The following CADM2 variants were observed in gnomAD, a reference collection of about 807,000 sequenced individuals.
CADM2 encodes immunoglobulin superfamily member 4D.
CADM2 carries 12 observed loss-of-function variants against 49.8 expected under a neutral mutation model. The ratio of observed to expected loss-of-function variants is 0.24; its 90% CI spans 0.15 to 0.39. The LOEUF is 0.39. CADM2 is among the 10% of genes least tolerant of loss of function. CADM2 has a pLI of 1.00. For missense variants in CADM2, 378 were observed against 492.3 expected, an observed-to-expected ratio of 0.77 and a Z score of 2.20; for synonymous variants, 214 against 175.4, an observed-to-expected ratio of 1.22 and a Z score of -1.74.
intron 8 of CADM2, chr3:86,014,435 A>T: frequency 4.0e-6 from 6 of 1,487,196 alleles, no homozygotes; most frequent in Non-Finnish European, 5.4e-6. Flanking sequence ...TTTATCATGA[A>T]TTTTGGTTTG....
intron 1 of CADM2, among the ~76,000 whole-genome samples, chr3:85,437,541 A>G (rs895753018): frequency 1.3e-5 from 2 of 151,740 alleles, no homozygotes; most frequent in Non-Finnish European, 1.5e-5. Flanking sequence ...GATTTTGACC[A>G]CTCTAAGAGG....
chr3:86,013,924 G>A, intron 8 of CADM2: 3 of 1,587,892 alleles, frequency 1.9e-6, no homozygotes, highest in Non-Finnish European at 2.6e-6. Flanking sequence ...TGAACTTCCT[G>A]TGCCTTAAAT....
chr3:85,883,156 A>T, intron 3 of CADM2, 135 bp from the exon 4 acceptor site: 1 of 677,440 alleles, frequency 1.5e-6, no homozygotes, highest in Non-Finnish European at 2.3e-6. Flanking sequence ...ACTTTCTTTT[A>T]AACTGTTCCA....
chr3:85,655,938 G>A (rs1171668801), intron 1 of CADM2, among the ~76,000 whole-genome samples: 3 of 151,564 alleles, frequency 2.0e-5, no homozygotes, highest in African/African-American at 4.8e-5. Context: ...TCCTCATAGA[G>A]CAGAAGCCTC....
intron 1 of CADM2, among the ~76,000 whole-genome samples, chr3:85,391,331 G>A (rs779145163): frequency 9.2e-5 from 14 of 151,986 alleles, no homozygotes; most frequent in Non-Finnish European, 1.8e-4. Context: ...GGACATAGAA[G>A]AATGCTAAAG....
intron 8 of CADM2, among the ~76,000 whole-genome samples, chr3:85,999,889 G>A (rs955115949): frequency 3.3e-5 from 5 of 152,096 alleles, no homozygotes; most frequent in Admixed American, 2.0e-4. Context: ...AAAACAGATA[G>A]AGGACAACGT....
intron 5 of CADM2, among the ~76,000 whole-genome samples, chr3:85,901,750 T>C (rs890996555): frequency 1.3e-5 from 2 of 152,174 alleles, no homozygotes; most frequent in African/African-American, 2.4e-5. Flanking sequence ...CAATTTCAAA[T>C]TTTTATGATT....
chr3:85,154,087 G>A (rs1188197497), intron 1 of CADM2, among the ~76,000 whole-genome samples: 1 of 152,222 alleles, frequency 6.6e-6, no homozygotes, highest in East Asian at 1.9e-4. Flanking sequence ...AAGCTGGACG[G>A]AGAATGACTT....
chr3:85,428,424 G>C (rs773781731), intron 1 of CADM2, among the ~76,000 whole-genome samples: 26 of 140,350 alleles, frequency 1.9e-4, no homozygotes, highest in Non-Finnish European at 3.1e-4. Context: ...AATAAGTAAG[G>C]CTTATATATA....
chr3:86,056,635 C>T (rs543787555), intron 8 of CADM2, among the ~76,000 whole-genome samples: 1 of 152,288 alleles, frequency 6.6e-6, no homozygotes, highest in East Asian at 1.9e-4. Context: ...AATTAGTGCA[C>T]GGAGTGGCAA....
chr3:86,008,047 T>A (rs1487921904), intron 8 of CADM2, among the ~76,000 whole-genome samples: 2 of 152,202 alleles, frequency 1.3e-5, no homozygotes, highest in Non-Finnish European at 2.9e-5. Context: ...GAGTTCTAGA[T>A]TCATGATGTC....
chr3:85,322,999 T>A (rs1451556143), intron 1 of CADM2, among the ~76,000 whole-genome samples: 2 of 152,236 alleles, frequency 1.3e-5, no homozygotes, highest in Admixed American at 1.3e-4. Flanking sequence ...TGCCTCTGTC[T>A]GAGTTTGTCC....
intron 2 of CADM2, among the ~76,000 whole-genome samples, chr3:85,735,943 A>T (rs2107809288): frequency 6.6e-6 from 1 of 152,276 alleles, no homozygotes; most frequent in East Asian, 1.9e-4. Context: ...AGAAAGTTCT[A>T]CACTTTAGAT....
chr3:85,915,070 T>G (rs1718103538), intron 6 of CADM2, among the ~76,000 whole-genome samples: 1 of 152,042 alleles, frequency 6.6e-6, no homozygotes, highest in African/African-American at 2.4e-5. Context: ...TCTGGAAAAT[T>G]GTTTGTTGAG....
At chr3:85,320,037 T>G (rs1298585961) in intron 1 of CADM2, among the ~76,000 whole-genome samples, 1 of 152,180 alleles carries the variant, frequency 6.6e-6, no homozygotes, top group Non-Finnish European at 1.5e-5. Flanking sequence ...GAAAATTACC[T>G]CATGTTTATA....
chr3:85,962,864 G>A (rs892200873), intron 8 of CADM2, among the ~76,000 whole-genome samples: 8 of 151,966 alleles, frequency 5.3e-5, no homozygotes, highest in Admixed American at 2.0e-4. Context: ...GTCATAAATC[G>A]TGGATCTTAG....
At chr3:85,090,701 G>A (rs1004101483) in intron 1 of CADM2, among the ~76,000 whole-genome samples, 4 of 152,120 alleles carry the variant, frequency 2.6e-5, no homozygotes, top group African/African-American at 9.7e-5. Context: ...GCGGGCCAGT[G>A]AGCATTACCG....
At chr3:85,561,569 G>A (rs902390199) in intron 1 of CADM2, among the ~76,000 whole-genome samples, 1 of 152,068 alleles carries the variant, frequency 6.6e-6, no homozygotes, top group African/African-American at 2.4e-5. Context: ...TATTTTCTAG[G>A]TTTTTATCTT....
intron 1 of CADM2, among the ~76,000 whole-genome samples, chr3:85,377,134 A>G (rs1264654832): frequency 6.6e-6 from 1 of 152,100 alleles, no homozygotes; most frequent in African/African-American, 2.4e-5. Flanking sequence ...TGAAGAATGC[A>G]TTGCCTATTT....
Sources: allele counts gnomAD v4.1 joint callset (sites outside exome capture counted in the v4.1 genomes callset), GRCh38; gene constraint gnomAD v4.1.1; transcripts MANE v1.5; gene names NCBI Gene and HGNC (gene_info 2026-07-23, HGNC 2026-07-21).